CORO1A: variants seen among roughly 807,000 people sequenced by gnomAD.
The protein encoded by CORO1A is coronin-1A.
A neutral mutation model predicts 44.1 loss-of-function variants in CORO1A; 17 were observed. The ratio of observed to expected loss-of-function variants is 0.39; its 90% CI spans 0.26 to 0.58. CORO1A has a LOEUF of 0.58. Ranked by LOEUF, CORO1A falls within the 20% of genes least tolerant of loss-of-function variation. The pLI is 0.62. For synonymous variants in CORO1A, 271 were observed against 244.2 expected, an observed-to-expected ratio of 1.11 and a Z score of -1.02; for missense variants, 415 against 606.5, an observed-to-expected ratio of 0.68 and a Z score of 3.32.
In CORO1A at chr16:30,187,997, A is replaced by C. The variant is rs761372261; in HGVS notation, c.917A>C (p.Tyr306Ser). 5 of 1,613,850 alleles carry C rather than the reference A, an allele frequency of 3.1e-6. No homozygotes were observed. The highest frequency in any genetic ancestry group is 1.7e-5 in the Admixed American group (1 of 59,992). Reference sequence around the variant, plus strand: ...ACTTCCGAGGCCCCTTTCCTGCACTATCTCTCCATGTTCAGTTCCAAGGAG... The same window carrying C: ...ACTTCCGAGGCCCCTTTCCTGCACTCTCTCTCCATGTTCAGTTCCAAGGAG... Reference protein sequence around the residue: ...EITSEAPFLHYLSMFSSKESQ... With the variant: ...EITSEAPFLHSLSMFSSKESQ... The change falls in exon 8 of 11, where the codon TAT (tyrosine) becomes TCT (serine). Residue 306 changes from tyrosine to serine, a missense_variant. Physicochemically the swap from Tyr to Ser is moderately radical, Grantham distance 144 (BLOSUM62 -2). This residue lies in a region of CORO1A where 325 missense variants were observed against 521.7 expected (regional missense o/e 0.62). Transcript: ENST00000219150.
intron 8 of CORO1A, 51 bp from the exon 9 acceptor site, chr16:30,188,141 C>G: frequency 6.2e-7 from 1 of 1,613,414 alleles, no homozygotes; most frequent in Non-Finnish European, 8.5e-7. Context: ...TGGGCAGTCC[C>G]AAGCCCACCC....
At position 30,184,863 on chromosome 16, in the gene CORO1A, G is replaced by A. The variant is rs1567374988; in HGVS notation, c.-1-346G>A. On this transcript the variant is annotated intron_variant, in intron 1 of 10. Transcript: ENST00000219150. This position sits in a 1 kb window ranked among gnomAD's most constrained non-coding sequence, Gnocchi z 4.3. ...AGCCATCTGGGCTGATGACGCCTGA[G>A]TCTGAACCATTAGGAAGGACGGGCT... 2.4e-6 allele frequency: 1 copy of A among 414,880 alleles called. No homozygotes were observed. Among genetic ancestry groups the A allele is most frequent in the East Asian group, 5.4e-5 (1 of 18,618 alleles). 25.7% of individuals were successfully genotyped at this position (414,880 alleles called of 1,614,324 possible). A position where few individuals can be genotyped will look rare whatever the true frequency, so the allele number is the denominator to read the frequency against.
Position 30,184,625 on chromosome 16 carries a change from G to C in CORO1A, c.-1-584G>C. 1 of 183,316 alleles carries C rather than the reference G, an allele frequency of 5.5e-6. No individual in the cohort carries two copies. Among genetic ancestry groups the C allele is most frequent in the South Asian group, 9.5e-5 (1 of 10,534 alleles). 11.4% of individuals were successfully genotyped at this position (183,316 alleles called of 1,614,324 possible). ...AGGCGAGAGGCAGAGGTATGGGGAGGAGGAGATACCTGGACCTGAGCCAGA... is the reference window on the plus strand; with the variant it reads ...AGGCGAGAGGCAGAGGTATGGGGAGCAGGAGATACCTGGACCTGAGCCAGA... On this transcript the variant is annotated intron_variant, in intron 1 of 10. Transcript: ENST00000219150. This position sits in a 1 kb window ranked among gnomAD's most constrained non-coding sequence, Gnocchi z 4.3.
At chr16:30,185,715 G>A (rs1033054319) in intron 2 of CORO1A, 20 of 451,898 alleles carry the variant, frequency 4.4e-5, no homozygotes, top group Non-Finnish European at 7.7e-5. Flanking sequence ...AACACAGAGG[G>A]GGTTGGGATG....
intron 2 of CORO1A, 158 bp from the exon 3 acceptor site, chr16:30,186,440 C>A (rs1416527325): frequency 2.3e-6 from 2 of 853,054 alleles, no homozygotes; most frequent in South Asian, 2.9e-5. Flanking sequence ...GGGACTGGAA[C>A]AAGAGAAGAA....
intron 2 of CORO1A, 117 bp downstream of exon 2, chr16:30,185,524 C>G (rs757289203): frequency 2.1e-5 from 18 of 860,986 alleles, no homozygotes; most frequent in Non-Finnish European, 3.2e-5. Context: ...ATCTGGAAAA[C>G]TGAGCTGGGC....
intron 2 of CORO1A, chr16:30,186,272 C>T (rs2073332602): frequency 2.5e-6 from 1 of 393,958 alleles, no homozygotes; most frequent in Non-Finnish European, 4.9e-6. Flanking sequence ...CAGTTGTGCC[C>T]ATGGAAGCCT....
Position 30,187,410 on chromosome 16 carries a change from G to C in CORO1A, c.665G>C (p.Arg222Pro), listed in dbSNP as rs1351295977. ...AEKDRPHEGT[R>P]PVRAVFVSEG... is the part of the protein sequence containing the mutation. Reference sequence around the variant, plus strand: ...AAGGACCGTCCCCACGAGGGGACCCGGCCCGTGCGTGCAGTGTTCGTGTCG... The same window carrying C: ...AAGGACCGTCCCCACGAGGGGACCCCGCCCGTGCGTGCAGTGTTCGTGTCG... Residue 222 changes from arginine to proline, a missense_variant, in exon 6 of 11, where the codon CGG becomes CCG. Transcript: ENST00000219150. The C allele has an allele frequency of 6.2e-7, 1 of 1,611,074 alleles. No individual in the cohort carries two copies. Among genetic ancestry groups the C allele is most frequent in the African/African-American group, 1.3e-5 (1 of 74,930 alleles).
chr16:30,186,347 G>A, intron 2 of CORO1A: 2 of 526,156 alleles, frequency 3.8e-6, no homozygotes, highest in Admixed American at 3.1e-5. Flanking sequence ...ACAGAGACCG[G>A]CGGGAACTCT....
At chr16:30,186,349 G>T (rs936220522) in intron 2 of CORO1A, 4 of 529,686 alleles carry the variant, frequency 7.6e-6, no homozygotes, top group African/African-American at 3.8e-5. Context: ...AGAGACCGGC[G>T]GGAACTCTGC....
intron 5 of CORO1A, 70 bp downstream of exon 5, chr16:30,187,293 C>T: frequency 1.9e-6 from 3 of 1,604,900 alleles, no homozygotes; most frequent in Non-Finnish European, 2.5e-6. Context: ...CAGCCAGGCC[C>T]TTGGATGCTG....
At position 30,187,927 on chromosome 16, in the gene CORO1A, A is replaced by C. The variant is rs2151063206; in HGVS notation, c.862-15A>C. On this transcript the variant is annotated splice_polypyrimidine_tract_variant and intron_variant, in intron 7 of 10. Coordinates refer to ENST00000219150, the MANE Select transcript of CORO1A (RefSeq NM_007074.4). ...CCGCTGGTATTGACCCTCCCTCCAC[A>C]CCTGCCACCTACAGGGTGACAGCTC... is the stretch of plus-strand genomic sequence containing the variant. 13 of 1,613,720 alleles carry C rather than the reference A, an allele frequency of 8.1e-6. No individual in the cohort carries two copies. Among genetic ancestry groups the C allele is most frequent in the Non-Finnish European group, 1.1e-5 (13 of 1,179,932 alleles).
In CORO1A at chr16:30,187,529, C is replaced by G. The variant is rs117041067; in HGVS notation, c.756+28C>G. On this transcript the variant is annotated intron_variant, in intron 6 of 10. Coordinates refer to ENST00000219150, the MANE Select transcript of CORO1A (RefSeq NM_007074.4). ...GAGTGCTGGGGCAGGAAGCCGAGGGCCCCCAGGCTGGGAACCAAGACTGGA... is the reference window on the plus strand; with the variant it reads ...GAGTGCTGGGGCAGGAAGCCGAGGGGCCCCAGGCTGGGAACCAAGACTGGA... The G allele has an allele frequency of 9.5e-3, 15,187 of 1,592,128 alleles. 87 individuals are homozygous for G. The highest frequency in any genetic ancestry group is 0.011 in the Non-Finnish European group (13,473 of 1,175,734).
Position 30,188,369 on chromosome 16 carries a change from G to C in CORO1A, c.1074G>C (p.Leu358=), listed in dbSNP as rs376540649. The stretch of plus-strand genomic sequence containing the variant: ...CCTGGCCTTGCCCACAGTCGGACCT[G>C]TTCCAGGAGGACCTGTACCCACCCA... ...IAMTVPRKSD[L]FQEDLYPPTA... Residue 358 remains leucine, a synonymous_variant, in exon 10 of 11, where the codon CTG becomes CTC. Coordinates refer to ENST00000219150, the MANE Select transcript of CORO1A (RefSeq NM_007074.4). The C allele has an allele frequency of 1.8e-4, 287 of 1,613,788 alleles. No individual in the cohort carries two copies. Among genetic ancestry groups the C allele is most frequent in the Non-Finnish European group, 2.3e-4 (277 of 1,180,028 alleles).
rs1339404567 is a variant in CORO1A at position 30,187,234 on chromosome 16, A to G, written c.636+11A>G. ...GGCACTGTCGTAGCTGTGAGTCGCC[A>G]TCTACCCTGACCTTTGACCCTACAG... On this transcript the variant is annotated intron_variant, in intron 5 of 10. Coordinates refer to ENST00000219150, the MANE Select transcript of CORO1A (RefSeq NM_007074.4). 1 of 1,610,476 alleles carries G rather than the reference A, an allele frequency of 6.2e-7. No homozygotes were observed. The highest frequency in any genetic ancestry group is 1.1e-5 in the South Asian group (1 of 91,090).
chr16:30,188,513 C>T lies in CORO1A; in HGVS notation c.1218C>T (p.Val406=), dbSNP rs1319981503. The T allele has an allele frequency of 1.1e-5, 17 of 1,612,596 alleles. No homozygotes were observed. The highest frequency in any genetic ancestry group is 1.3e-5 in the Non-Finnish European group (15 of 1,179,894). The change falls in exon 10 of 11, where the codon GTC becomes GTT. Residue 406 remains valine (V), a synonymous_variant. Transcript: ENST00000219150. ...CCCCAAAGAGCCGGGAGCTGAGGGT[C>T]AACCGGGGCCTGGACACCGGGCGCA... The part of the protein sequence containing the change: ...YVPPKSRELR[V]NRGLDTGRRR...
In CORO1A at chr16:30,187,783, T is replaced by A; in HGVS notation, c.815T>A (p.Leu272Gln). 6.4e-7 allele frequency: 1 copy of A among 1,572,310 alleles called. No individual in the cohort carries two copies. The highest frequency in any genetic ancestry group is 8.6e-7 in the Non-Finnish European group (1 of 1,157,428). ...QELDTSSGVL[L>Q]PFFDPDTNIV... ...CTGGACACCAGCAGCGGTGTCCTGC[T>A]GCCCTTCTTTGACCCTGACACCAAC... The change falls in exon 7 of 11, where the codon CTG becomes CAG. Residue 272 changes from leucine (L) to glutamine (Q), a missense_variant. Transcript: ENST00000219150.
At position 30,186,917 on chromosome 16, in the gene CORO1A, C is replaced by T. The variant is rs1029596469; in HGVS notation, c.423C>T (p.Thr141=). ...TKRVGIVAWH[T]TAQNVLLSAG... is the part of the protein sequence containing the mutation. The stretch of plus-strand genomic sequence containing the variant: ...GTGTGGGCATTGTGGCCTGGCACAC[C>T]ACAGCCCAGAACGTGCTGCTCAGTG... Residue 141 remains threonine, a synonymous_variant, in exon 4 of 11, where the codon ACC becomes ACT. Transcript: ENST00000219150. The T allele has an allele frequency of 1.4e-5, 23 of 1,612,670 alleles. No homozygotes were observed. The highest frequency in any genetic ancestry group is 1.9e-5 in the Non-Finnish European group (22 of 1,180,020).
In CORO1A at chr16:30,188,260, C is replaced by T; in HGVS notation, c.1065+11C>T. Reference sequence around the variant, plus strand: ...ACAGTGCCTCGAAAGGTGATGCTCCCCCGCCCCACCCTGGGCTCCAGGCTG... The same window carrying T: ...ACAGTGCCTCGAAAGGTGATGCTCCTCCGCCCCACCCTGGGCTCCAGGCTG... On this transcript the variant is annotated intron_variant, in intron 9 of 10. Coordinates refer to ENST00000219150, the MANE Select transcript of CORO1A (RefSeq NM_007074.4). 6.2e-7 allele frequency: 1 copy of T among 1,613,688 alleles called. No homozygotes were observed. Among genetic ancestry groups the T allele is most frequent in the Non-Finnish European group, 8.5e-7 (1 of 1,179,692 alleles).
Sources: gnomAD v4.1 joint callset for allele counts on GRCh38, gnomAD v4.1.1 for gene constraint, gnomAD v4.1.1 regional missense constraint, Gnocchi (gnomAD v3.1) non-coding constraint, MANE v1.5 for transcripts, NCBI Gene and HGNC (gene_info 2026-07-23, HGNC 2026-07-21) for gene names.